The following SERP2 variants were observed in gnomAD, a reference collection of about 807,000 sequenced individuals.
SERP2 encodes the protein stress-associated endoplasmic reticulum protein 2.
Under a neutral mutation model 9.1 loss-of-function variants are expected in SERP2, and 6 were observed. The observed-to-expected ratio is 0.66, with a 90% CI of 0.36 to 1.30. The LOEUF is 1.30. SERP2 is among the 50% of genes most tolerant of loss of function. The pLI, the probability that SERP2 is intolerant of heterozygous loss-of-function variation, is 0.03. For synonymous variants in SERP2, 37 were observed against 27.3 expected (o/e 1.35, Z -1.10); for missense variants, 58 against 81.9 (o/e 0.71, Z 1.13).
rs1011372299 is a variant in SERP2 at position 44,373,980 on chromosome 13, G to A, written c.-46G>A. The A allele has an allele frequency of 3.9e-6, 6 of 1,527,864 alleles. No individual in the cohort carries two copies. The highest frequency in any genetic ancestry group is 5.3e-6 in the Non-Finnish European group (6 of 1,123,392). The allele number at this position is 1,527,864 out of a possible 1,614,324, so 94.6% of individuals were successfully genotyped here. On this transcript the variant is annotated 5_prime_UTR_variant, in exon 1 of 3. Transcript: ENST00000379179. The surrounding 1 kb of genome is among the most constrained non-coding windows in gnomAD (Gnocchi z 4.8). ...GCTCGGCCCTGTCGCAGGAGCTAAC[G>A]CAGGGGGAATCCTTGCAGGTGGGAG...
chr13:44,395,432 G>A (rs1299306274), intron 2 of SERP2, among the ~76,000 whole-genome samples: 5 of 151,730 alleles, frequency 3.3e-5, no homozygotes, highest in Non-Finnish European at 5.9e-5. Context: ...GTGAAATCCC[G>A]TCTCTACTAA....
intron 2 of SERP2, among the ~76,000 whole-genome samples, chr13:44,383,408 C>G (rs1189791101): frequency 6.6e-6 from 1 of 152,152 alleles, no homozygotes; most frequent in Non-Finnish European, 1.5e-5. Context: ...GGCTTACCAG[C>G]CCATGCAGCA....
chr13:44,383,589 A>G (rs1334355613), intron 2 of SERP2, among the ~76,000 whole-genome samples: 2 of 118,832 alleles, frequency 1.7e-5, no homozygotes, highest in African/African-American at 6.6e-5. Flanking sequence ...CGTTCTATTG[A>G]CAGGCTGGAG....
At chr13:44,384,178 T>A (rs558084718) in intron 2 of SERP2, among the ~76,000 whole-genome samples, 1 of 152,314 alleles carries the variant, frequency 6.6e-6, no homozygotes, top group Middle Eastern at 3.4e-3. Context: ...TTTGTACTTG[T>A]CCTTTTCTAA....
intron 2 of SERP2, among the ~76,000 whole-genome samples, chr13:44,385,917 T>A (rs1328113544): frequency 6.6e-6 from 1 of 152,230 alleles, no homozygotes; most frequent in Admixed American, 6.5e-5. Flanking sequence ...CACGGGACCA[T>A]CGGTTGTGCT....
At chr13:44,383,846 C>T (rs1335003449) in intron 2 of SERP2, among the ~76,000 whole-genome samples, 2 of 151,832 alleles carry the variant, frequency 1.3e-5, no homozygotes, top group African/African-American at 2.4e-5. Flanking sequence ...CCAATGCGCT[C>T]GGCCACCCAG....
intron 1 of SERP2, among the ~76,000 whole-genome samples, chr13:44,376,604 G>GT (rs1190781975): frequency 6.6e-6 from 1 of 151,906 alleles, no homozygotes; most frequent in East Asian, 1.9e-4. Context: ...GCACAACCCC[G>GT]TATCTACTAA....
chr13:44,375,603 G>A (rs905219787), intron 1 of SERP2, among the ~76,000 whole-genome samples: 1 of 152,196 alleles, frequency 6.6e-6, no homozygotes, highest in Non-Finnish European at 1.5e-5. Context: ...ATCCCTAAGA[G>A]ATCAATTCTT....
intron 2 of SERP2, among the ~76,000 whole-genome samples, chr13:44,392,578 CA>C (rs939683205): frequency 6.6e-6 from 1 of 152,032 alleles, no homozygotes; most frequent in African/African-American, 2.4e-5. Context: ...ACAAGATTCC[CA>C]GGTAAAATCC....
intron 2 of SERP2, among the ~76,000 whole-genome samples, chr13:44,392,281 A>C (rs1872827582): frequency 6.7e-6 from 1 of 149,398 alleles, no homozygotes; most frequent in African/African-American, 2.5e-5. Flanking sequence ...AGCAAGGAGA[A>C]GAGTGATACA....
intron 2 of SERP2, among the ~76,000 whole-genome samples, chr13:44,394,941 C>T (rs1872998963): frequency 6.6e-6 from 1 of 152,236 alleles, no homozygotes; most frequent in Non-Finnish European, 1.5e-5. Flanking sequence ...CCATGATCCT[C>T]ATTTTACAGA....
Position 44,381,490 on chromosome 13 carries a change from C to T in SERP2, c.157+1777C>T, listed in dbSNP as rs918891379. On this transcript the variant is annotated intron_variant, in intron 2 of 2. Transcript: ENST00000379179. ...TGCAGAGGTGGAGCTTGCAGTGAGC[C>T]GAGATCGTGCCACTGTACTCCTTCC... Among the ~76,000 whole-genome samples, 5 of 152,170 alleles carry T rather than the reference C, an allele frequency of 3.3e-5. No individual in the cohort carries two copies. The East Asian group carries it at 9.7e-4, about 29-fold the overall frequency.
chr13:44,374,247 CAG>C (rs1871502076), intron 1 of SERP2, 138 bp downstream of exon 1: 2 of 554,150 alleles, frequency 3.6e-6, no homozygotes, highest in South Asian at 4.2e-5. Context: ...CGGGGTCCTG[CAG>C]AGTGGGGGCT....
chr13:44,373,653 C>G, upstream of SERP2: 1 of 211,268 alleles, frequency 4.7e-6, no homozygotes, highest in African/African-American at 2.3e-5. The surrounding 1 kb of genome is among the most constrained non-coding windows in gnomAD (Gnocchi z 4.8). Context: ...CCGCAGCATT[C>G]GGCTACAGGA....
chr13:44,375,001 TATC>T (rs1871565374), intron 1 of SERP2, among the ~76,000 whole-genome samples: 1 of 152,116 alleles, frequency 6.6e-6, no homozygotes, highest in African/African-American at 2.4e-5. Flanking sequence ...CAAAGCAGAT[TATC>T]ATCAACAGAA....
At chr13:44,384,151 G>A (rs1017032591) in intron 2 of SERP2, among the ~76,000 whole-genome samples, 8 of 151,798 alleles carry the variant, frequency 5.3e-5, no homozygotes, top group Admixed American at 1.3e-4. Flanking sequence ...CCTTGGTACT[G>A]TGCCCTTCCT....
At chr13:44,389,690 G>C (rs1470625437) in intron 2 of SERP2, among the ~76,000 whole-genome samples, 1 of 152,190 alleles carries the variant, frequency 6.6e-6, no homozygotes, top group African/African-American at 2.4e-5. Flanking sequence ...AGCCCCCCTG[G>C]ATAGATAAAG....
At chr13:44,390,040 C>T (rs1047706303) in intron 2 of SERP2, among the ~76,000 whole-genome samples, 6 of 152,162 alleles carry the variant, frequency 3.9e-5, no homozygotes, top group Non-Finnish European at 7.3e-5. Context: ...CTCTAAAACC[C>T]ATCTGTTTTC....
intron 2 of SERP2, chr13:44,390,431 C>T (rs1872579621): frequency 2.2e-6 from 1 of 456,456 alleles, no homozygotes; most frequent in Non-Finnish European, 4.4e-6. Flanking sequence ...AGGGAGTCAC[C>T]CCACCCCCAA....
Sources: gnomAD v4.1 joint callset for allele counts (sites outside exome capture counted in the v4.1 genomes callset) on GRCh38, gnomAD v4.1.1 for gene constraint, Gnocchi (gnomAD v3.1) non-coding constraint, MANE v1.5 for transcripts, NCBI Gene and HGNC (gene_info 2026-07-23, HGNC 2026-07-21) for gene names.